PCDH15: variants seen among roughly 807,000 people sequenced by gnomAD.
PCDH15 encodes protocadherin-15.
Under a neutral mutation model 178.5 loss-of-function variants are expected in PCDH15, and 129 were observed. The ratio of observed to expected loss-of-function variants is 0.72; its 90% CI spans 0.63 to 0.84. The LOEUF (loss-of-function observed/expected upper bound fraction) is 0.84. Among genes scored for constraint, PCDH15 ranks in the 40% least tolerant of loss-of-function variants. The pLI is 0.00. For synonymous variants in PCDH15, 800 were observed against 732.0 expected (o/e 1.09, Z -1.50); for missense variants, 2,230 against 2,099.9 (o/e 1.06, Z -1.21).
chr10:54,067,142 A>G (rs1476042768), intron 17 of PCDH15, among the ~76,000 whole-genome samples: 3 of 152,182 alleles, frequency 2.0e-5, no homozygotes, highest in African/African-American at 7.2e-5. Context: ...AATGTCAAGT[A>G]TTTCCTGGAG....
At chr10:55,120,918 T>G (rs1264639301) in intron 2 of PCDH15, among the ~76,000 whole-genome samples, 1 of 152,182 alleles carries the variant, frequency 6.6e-6, no homozygotes, top group Non-Finnish European at 1.5e-5. Context: ...AAATAGTGTC[T>G]CATGGAGCCT....
chr10:55,542,131 A>ATT (rs1402685420), intron 2 of PCDH15, among the ~76,000 whole-genome samples: 1 of 148,878 alleles, frequency 6.7e-6, no homozygotes, highest in Non-Finnish European at 1.5e-5. Flanking sequence ...AGAAATCAGT[A>ATT]TTATATATAT....
chr10:54,348,327 T>C (rs1443026583), intron 5 of PCDH15, among the ~76,000 whole-genome samples: 2 of 152,164 alleles, frequency 1.3e-5, no homozygotes, highest in East Asian at 3.9e-4. Flanking sequence ...GCAGGCAGCA[T>C]TGAAGGCAAA....
At chr10:54,871,739 T>C (rs1474463570) in intron 3 of PCDH15, among the ~76,000 whole-genome samples, 1 of 152,080 alleles carries the variant, frequency 6.6e-6, no homozygotes, top group Non-Finnish European at 1.5e-5. Flanking sequence ...TTTTTGTTCA[T>C]AATTTTTACT....
rs1185175927 is a variant in PCDH15 at position 54,963,259 on chromosome 10, T to A, written c.-79-65759A>T. On this transcript the variant is annotated intron_variant, in intron 2 of 5. Coordinates refer to the PCDH15 transcript ENST00000458638. ...AGTCTTCAGTTCCACTGGCTGTAGG[T>A]AATAAAGGCAATTCTTCCTGGAAGG... Among the ~76,000 whole-genome samples the A allele has an allele frequency of 1.2e-4, 19 of 152,190 alleles. No individual in the cohort carries two copies. The South Asian group carries it at 3.9e-3, about 32-fold the overall frequency.
At chr10:55,297,545 T>A (rs952077867) in intron 1 of PCDH15, among the ~76,000 whole-genome samples, 2 of 152,056 alleles carry the variant, frequency 1.3e-5, no homozygotes, top group Non-Finnish European at 2.9e-5. Context: ...TTTAGAAAAA[T>A]TTGGAAATAT....
chr10:54,220,998 C>A (rs1263121019), intron 9 of PCDH15, among the ~76,000 whole-genome samples: 5 of 151,920 alleles, frequency 3.3e-5, no homozygotes, highest in Non-Finnish European at 7.4e-5. Context: ...TTTCATTATA[C>A]ACAATGTTTA....
chr10:53,916,419 C>A (rs1564761333), intron 25 of PCDH15, among the ~76,000 whole-genome samples: 1 of 148,264 alleles, frequency 6.7e-6, no homozygotes, highest in Non-Finnish European at 1.5e-5. Context: ...GTTAAGGATG[C>A]AAAATTGTTT....
intron 26 of PCDH15, among the ~76,000 whole-genome samples, chr10:53,887,291 C>T (rs1429829316): frequency 2.6e-5 from 4 of 152,022 alleles, no homozygotes; most frequent in Admixed American, 1.3e-4. Context: ...CATTAAATAT[C>T]GAGAATTCCT....
intron 2 of PCDH15, among the ~76,000 whole-genome samples, chr10:55,411,867 A>G (rs1480393835): frequency 1.3e-5 from 2 of 152,102 alleles, no homozygotes; most frequent in Non-Finnish European, 2.9e-5. Context: ...AGGCTGCAAA[A>G]TTAATAATTA....
intron 3 of PCDH15, among the ~76,000 whole-genome samples, chr10:54,894,362 T>G (rs1233606772): frequency 6.6e-6 from 1 of 152,158 alleles, no homozygotes; most frequent in Non-Finnish European, 1.5e-5. Context: ...AATTTAGCAG[T>G]CATGCTTGAA....
At chr10:53,814,607 G>T (rs186432902) in intron 35 of PCDH15, among the ~76,000 whole-genome samples, 43 of 152,158 alleles carry the variant, frequency 2.8e-4, no homozygotes, top group Middle Eastern at 3.4e-3. Flanking sequence ...TGATCTAAAA[G>T]GTCCCTCTTG....
intron 21 of PCDH15, among the ~76,000 whole-genome samples, chr10:53,973,651 T>G: frequency 6.6e-6 from 1 of 152,302 alleles, no homozygotes; most frequent in East Asian, 1.9e-4. Context: ...TGTTCTCTAT[T>G]TAGGTTTAGA....
chr10:54,833,631 A>G (rs938282874), intron 3 of PCDH15, among the ~76,000 whole-genome samples: 3 of 152,204 alleles, frequency 2.0e-5, no homozygotes, highest in African/African-American at 7.2e-5. Flanking sequence ...CCTCACAGTC[A>G]TGTAAGCCAG....
intron 8 of PCDH15, among the ~76,000 whole-genome samples, chr10:54,275,562 A>T (rs2132595586): frequency 6.6e-6 from 1 of 151,998 alleles, no homozygotes; most frequent in Admixed American, 6.6e-5. Flanking sequence ...GTCCATGAAC[A>T]GGAAATGTCC....
Position 54,235,921 on chromosome 10 carries a change from G to T in PCDH15, c.985+902C>A, listed in dbSNP as rs1055199177. 2.0e-5 allele frequency among the ~76,000 whole-genome samples: 3 copies of T among 152,248 alleles called. No individual in the cohort carries two copies. In the South Asian group the frequency reaches 6.2e-4, roughly 32 times the overall value. On this transcript the variant is annotated intron_variant, in intron 9 of 37. Transcript: ENST00000644397. ...TATTTGTGTCTTTATAAAGACCAAA[G>T]GCTTGAAACAGAATTGCTTGAATTT...
chr10:54,402,459 GCCA>G lies in PCDH15; in HGVS notation c.158-23520_158-23518del, dbSNP rs138459495. 4.9e-3 allele frequency among the ~76,000 whole-genome samples: 738 copies of G among 151,892 alleles called. 8 individuals are homozygous for G. The highest frequency in any genetic ancestry group is 0.017 in the African/African-American group (687 of 41,480). The stretch of plus-strand genomic sequence containing the variant: ...TGTATAAAATATTAAATACAGATAG[GCCA>G]CCTTTTATTGCTTTCTTTATTAGTT... On this transcript the variant is annotated intron_variant, in intron 3 of 37. Coordinates refer to ENST00000644397, the MANE Select transcript of PCDH15 (RefSeq NM_001384140.1).
chr10:54,900,644 A>T (rs1954623349), intron 2 of PCDH15, among the ~76,000 whole-genome samples: 1 of 152,188 alleles, frequency 6.6e-6, no homozygotes, highest in Non-Finnish European at 1.5e-5. Flanking sequence ...CATCACCAAG[A>T]TATATTCCAA....
At chr10:54,880,877 A>G (rs1954250670) in intron 3 of PCDH15, among the ~76,000 whole-genome samples, 1 of 151,484 alleles carries the variant, frequency 6.6e-6, no homozygotes, top group Non-Finnish European at 1.5e-5. Context: ...TATATGTAAC[A>G]TTTGATTGAC....
Sources: gnomAD v4.1 joint callset for allele counts (sites outside exome capture counted in the v4.1 genomes callset) on GRCh38, gnomAD v4.1.1 for gene constraint, MANE v1.5 for transcripts, NCBI Gene and HGNC (gene_info 2026-07-23, HGNC 2026-07-21) for gene names.